The following ZNF804B variants were observed in gnomAD, a reference collection of about 807,000 sequenced individuals.
ZNF804B encodes the protein zinc finger 804B.
Under a neutral mutation model 101.4 loss-of-function variants are expected in ZNF804B, and 80 were observed. The ratio of observed to expected loss-of-function variants is 0.79; its 90% CI spans 0.66 to 0.95. The LOEUF (loss-of-function observed/expected upper bound fraction) is 0.95, where lower values mean the gene tolerates loss of function less well. Among genes scored for constraint, ZNF804B ranks in the 40% least tolerant of loss-of-function variants. ZNF804B has a pLI of 0.00. For synonymous variants in ZNF804B, 622 were observed against 558.8 expected, an observed-to-expected ratio of 1.11 and a Z score of -1.59; for missense variants, 1,673 against 1,561.9, an observed-to-expected ratio of 1.07 and a Z score of -1.20.
intron 1 of ZNF804B, among the ~76,000 whole-genome samples, chr7:89,009,783 C>T (rs1221990986): frequency 6.6e-6 from 1 of 152,172 alleles, no homozygotes; most frequent in African/African-American, 2.4e-5. Flanking sequence ...ACTTCCCAGC[C>T]TCCAGAACTG....
At chr7:89,016,196 C>A (rs939888524) in intron 1 of ZNF804B, among the ~76,000 whole-genome samples, 13 of 151,816 alleles carry the variant, frequency 8.6e-5, no homozygotes, top group Non-Finnish European at 1.8e-4. Context: ...TTGTTTTTTT[C>A]TTGTAAATTT....
chr7:89,050,952 A>G (rs189934589), intron 1 of ZNF804B, among the ~76,000 whole-genome samples: 1 of 151,316 alleles, frequency 6.6e-6, no homozygotes, highest in Non-Finnish European at 1.5e-5. Flanking sequence ...AGGTAGAAGC[A>G]CAAAATAAAC....
At chr7:88,793,711 C>T (rs1001643379) in intron 1 of ZNF804B, among the ~76,000 whole-genome samples, 5 of 152,136 alleles carry the variant, frequency 3.3e-5, no homozygotes, top group South Asian at 4.1e-4. Flanking sequence ...TATGTCATAT[C>T]GTAACTACTT....
At chr7:89,305,753 T>C (rs1408910394) in intron 2 of ZNF804B, among the ~76,000 whole-genome samples, 1 of 151,980 alleles carries the variant, frequency 6.6e-6, no homozygotes, top group African/African-American at 2.4e-5. Context: ...TTTTTCCCTA[T>C]ACTTCTGGTA....
At chr7:89,248,477 A>G (rs1459876818) in intron 2 of ZNF804B, among the ~76,000 whole-genome samples, 1 of 132,774 alleles carries the variant, frequency 7.5e-6, no homozygotes, top group African/African-American at 2.8e-5. Flanking sequence ...AAAAAAAAAG[A>G]AAAAAGAAAG....
At chr7:88,764,559 A>C (rs1789951488) in intron 1 of ZNF804B, among the ~76,000 whole-genome samples, 1 of 152,196 alleles carries the variant, frequency 6.6e-6, no homozygotes, top group Non-Finnish European at 1.5e-5. Flanking sequence ...TTCTCTTGAT[A>C]AATTACAAAT....
intron 1 of ZNF804B, among the ~76,000 whole-genome samples, chr7:89,129,321 T>C (rs1284558416): frequency 1.3e-5 from 2 of 152,068 alleles, no homozygotes; most frequent in African/African-American, 4.8e-5. Context: ...TCATCATATT[T>C]CCCTTGTCAG....
At chr7:89,149,477 A>G (rs1246946624) in intron 1 of ZNF804B, among the ~76,000 whole-genome samples, 1 of 152,076 alleles carries the variant, frequency 6.6e-6, no homozygotes, top group Non-Finnish European at 1.5e-5. Flanking sequence ...TTACAAATAA[A>G]GTTATTATTT....
chr7:89,260,803 G>A (rs1343922993), intron 2 of ZNF804B, among the ~76,000 whole-genome samples: 3 of 152,130 alleles, frequency 2.0e-5, no homozygotes, highest in Non-Finnish European at 4.4e-5. Context: ...TCTTGTAAAA[G>A]TAGGCAGCTA....
chr7:89,029,319 G>C (rs1204789691), intron 1 of ZNF804B, among the ~76,000 whole-genome samples: 2 of 152,122 alleles, frequency 1.3e-5, no homozygotes, highest in Non-Finnish European at 2.9e-5. Context: ...GGCCAGGCTG[G>C]TTTCGAACTC....
chr7:88,763,337 CCAAA>C (rs1015086140), intron 1 of ZNF804B, among the ~76,000 whole-genome samples: 10 of 151,854 alleles, frequency 6.6e-5, no homozygotes, highest in Non-Finnish European at 1.0e-4. Context: ...CATTTTACCC[CCAAA>C]CAGTTTTTGC....
At chr7:89,007,681 G>A (rs1466849011) in intron 1 of ZNF804B, among the ~76,000 whole-genome samples, 1 of 147,704 alleles carries the variant, frequency 6.8e-6, no homozygotes, top group Non-Finnish European at 1.5e-5. Context: ...CTGTATAGAA[G>A]CAAATAATTA....
At chr7:89,082,589 C>G (rs767550233) in intron 1 of ZNF804B, among the ~76,000 whole-genome samples, 7 of 151,710 alleles carry the variant, frequency 4.6e-5, no homozygotes, top group Non-Finnish European at 1.0e-4. Flanking sequence ...ACTAGTAACT[C>G]TTCTTCTTTG....
intron 1 of ZNF804B, among the ~76,000 whole-genome samples, chr7:88,817,418 G>T (rs1378527292): frequency 3.4e-5 from 5 of 147,948 alleles, no homozygotes; most frequent in Non-Finnish European, 5.9e-5. Flanking sequence ...CCCTTAAAAG[G>T]CTGCTCTCTC....
At chr7:88,919,787 G>T (rs535597457) in intron 1 of ZNF804B, among the ~76,000 whole-genome samples, 1 of 152,068 alleles carries the variant, frequency 6.6e-6, no homozygotes, top group African/African-American at 2.4e-5. Flanking sequence ...GATTAACAGC[G>T]TAAGTTCTGA....
At chr7:88,955,439 A>G (rs1199983479) in intron 1 of ZNF804B, among the ~76,000 whole-genome samples, 1 of 151,696 alleles carries the variant, frequency 6.6e-6, no homozygotes, top group Non-Finnish European at 1.5e-5. Context: ...CTAGCTGGAA[A>G]AGCAAGCCTT....
chr7:88,815,311 G>A (rs1790859290), intron 1 of ZNF804B, among the ~76,000 whole-genome samples: 2 of 148,942 alleles, frequency 1.3e-5, no homozygotes, highest in Admixed American at 6.7e-5. Flanking sequence ...ATATAACTTG[G>A]ACAAAAGCTA....
intron 1 of ZNF804B, among the ~76,000 whole-genome samples, chr7:89,084,293 CAAGCTGATTGA>C (rs1318401603): frequency 6.6e-6 from 1 of 151,832 alleles, no homozygotes; most frequent in African/African-American, 2.4e-5. Flanking sequence ...TTAGAATCAG[CAAGCTGATTGA>C]ATTTCAAGAG....
chr7:89,107,168 T>C (rs537192435), intron 1 of ZNF804B, among the ~76,000 whole-genome samples: 1 of 152,272 alleles, frequency 6.6e-6, no homozygotes, highest in African/African-American at 2.4e-5. Context: ...TTATTTATAA[T>C]GTATTCATAA....
Sources: gnomAD v4.1 joint callset for allele counts (sites outside exome capture counted in the v4.1 genomes callset) on GRCh38, gnomAD v4.1.1 for gene constraint, MANE v1.5 for transcripts, NCBI Gene and HGNC (gene_info 2026-07-23, HGNC 2026-07-21) for gene names.